Variants in SART3 observed in about 807,000 individuals in gnomAD.
SART3 encodes spliceosome associated factor 3, U4/U6 recycling protein, also known as HIV-1 Tat-interacting protein of 110kDa.
SART3 carries 44 observed loss-of-function variants against 122.3 expected under a neutral mutation model. The observed-to-expected ratio is 0.36, with a 90% confidence interval of 0.28 to 0.46. The LOEUF is 0.46. Among genes scored for constraint, SART3 ranks in the 20% least tolerant of loss-of-function variants. The pLI is 1.00. For missense variants in SART3, 1,101 were observed against 1,229.0 expected (o/e 0.90, Z 1.56); for synonymous variants, 442 against 454.0 (o/e 0.97, Z 0.34).
chr12:108,541,917 C>T (rs1873182734), intron 6 of SART3, among the ~76,000 whole-genome samples: 1 of 151,710 alleles, frequency 6.6e-6, no homozygotes, highest in African/African-American at 2.4e-5. Context: ...TCACTGCAGC[C>T]TTGACCTCCT....
At chr12:108,528,633 A>C (rs758041262) in intron 15 of SART3, among the ~76,000 whole-genome samples, 10 of 152,158 alleles carry the variant, frequency 6.6e-5, no homozygotes, top group Non-Finnish European at 1.2e-4. Context: ...CTAGATCTGG[A>C]AGCCTGAGTG....
intron 1 of SART3, among the ~76,000 whole-genome samples, chr12:108,555,575 G>A (rs2030185898): frequency 6.6e-6 from 1 of 152,212 alleles, no homozygotes; most frequent in Non-Finnish European, 1.5e-5. Context: ...TGAGGTGAAA[G>A]GATCGCTTCA....
At chr12:108,540,520 G>A (rs117892256) in intron 6 of SART3, among the ~76,000 whole-genome samples, 653 of 151,762 alleles carry the variant, frequency 4.3e-3, no homozygotes, top group Non-Finnish European at 8.5e-3. Context: ...TTCATAGATT[G>A]GAAGATGTAA....
chr12:108,551,215 G>A (rs554811743), intron 1 of SART3, among the ~76,000 whole-genome samples: 2 of 152,282 alleles, frequency 1.3e-5, no homozygotes, highest in African/African-American at 4.8e-5. Context: ...GTACACTTCA[G>A]AGCAAAGAAA....
At chr12:108,547,004 G>A (rs1011289236) in intron 3 of SART3, among the ~76,000 whole-genome samples, 12 of 152,170 alleles carry the variant, frequency 7.9e-5, no homozygotes, top group African/African-American at 2.7e-4. Flanking sequence ...ATTTTTAGCA[G>A]AGACGGGGTT....
At chr12:108,555,985 C>A (rs2030206045) in intron 1 of SART3, among the ~76,000 whole-genome samples, 1 of 152,182 alleles carries the variant, frequency 6.6e-6, no homozygotes, top group South Asian at 2.1e-4. Flanking sequence ...CCAAAACAGA[C>A]CCATGCAGTT....
Position 108,536,736 on chromosome 12 carries a change from C to T in SART3, c.1359G>A (p.Leu453=). The T allele has an allele frequency of 1.2e-6, 2 of 1,613,928 alleles. No individual in the cohort carries two copies. The highest frequency in any genetic ancestry group is 2.7e-5 in the African/African-American group (2 of 75,018). Residue 453 remains leucine, a synonymous_variant, in exon 10 of 19, where the codon TTG becomes TTA. Transcript: ENST00000546815. ...EELRAAFTRA[L]EYLKQEVEER... ...CTTCCACCTCCTGCTTCAGATACTCCAAGGCACGAGTAAAGGCGGCCCTCA... is the reference window on the plus strand; with the variant it reads ...CTTCCACCTCCTGCTTCAGATACTCTAAGGCACGAGTAAAGGCGGCCCTCA...
chr12:108,533,942 C>T (rs1872789614), intron 12 of SART3, among the ~76,000 whole-genome samples: 1 of 152,206 alleles, frequency 6.6e-6, no homozygotes, highest in Non-Finnish European at 1.5e-5. Flanking sequence ...CCACAATTAT[C>T]TGAAAATGCT....
In SART3 at chr12:108,523,484, A is replaced by C. The variant is rs537966592; in HGVS notation, c.2865T>G (p.Asp955Glu). The change falls in exon 19 of 19, where the codon GAT (aspartate) becomes GAG (glutamate). Residue 955 changes from aspartate to glutamate, a missense_variant. Around this residue, in one of 2 missense-constraint regions of SART3, gnomAD observed 885 missense variants for 1,080.1 expected, o/e 0.82. Coordinates refer to ENST00000546815, the MANE Select transcript of SART3 (RefSeq NM_014706.4). ...ACTTTCTCAGAAACAGCTTGGCAAA[A>C]TCGGCATTGGACATCTTGGGTGCCT... ...ATEAPKMSNA[D>E]FAKLFLRK 1.4e-4 allele frequency: 220 copies of C among 1,612,420 alleles called. No individual in the cohort carries two copies. Among genetic ancestry groups the C allele is most frequent in the Non-Finnish European group, 1.7e-4 (199 of 1,179,968 alleles).
At chr12:108,537,958 A>G (rs1157508218) in intron 8 of SART3, 107 bp downstream of exon 8, 1 of 1,458,234 alleles carries the variant, frequency 6.9e-7, no homozygotes, top group African/African-American at 1.4e-5. Flanking sequence ...TACACTCCAT[A>G]ACCCAAAGAA....
chr12:108,543,727 G>C (rs1873272423), intron 5 of SART3, among the ~76,000 whole-genome samples: 1 of 152,142 alleles, frequency 6.6e-6, no homozygotes, highest in South Asian at 2.1e-4. Flanking sequence ...AAACCATGAA[G>C]AGAAATAACA....
Position 108,523,394 on chromosome 12 carries a change from G to A in SART3, c.*63C>T, listed in dbSNP as rs983440068. The A allele has an allele frequency of 1.9e-6, 3 of 1,551,792 alleles. No homozygotes were observed. The highest frequency in any genetic ancestry group is 1.4e-5 in the African/African-American group (1 of 73,556). On this transcript the variant is annotated 3_prime_UTR_variant, in exon 19 of 19. Coordinates refer to ENST00000546815, the MANE Select transcript of SART3 (RefSeq NM_014706.4). ...GCCTGTCCATCCCCAGTGCACTGCT[G>A]GGTGGTGGGAGGTCCGCCGGGCCAG... is the stretch of plus-strand genomic sequence containing the variant.
intron 1 of SART3, among the ~76,000 whole-genome samples, chr12:108,559,380 T>A (rs997572235): frequency 1.1e-4 from 16 of 152,164 alleles, no homozygotes; most frequent in Non-Finnish European, 2.1e-4. Flanking sequence ...AAAAAGAGAA[T>A]GCGGGCCGGG....
chr12:108,537,856 T>G (rs1225989570), intron 8 of SART3, among the ~76,000 whole-genome samples: 2 of 152,192 alleles, frequency 1.3e-5, no homozygotes, highest in Non-Finnish European at 2.9e-5. Flanking sequence ...CTACAACTTC[T>G]TAGAAAATAC....
At chr12:108,543,538 G>C (rs542175490) in intron 5 of SART3, among the ~76,000 whole-genome samples, 1 of 152,326 alleles carries the variant, frequency 6.6e-6, no homozygotes, top group Middle Eastern at 3.4e-3. Context: ...CTCGTCTACA[G>C]TTAATGGTAG....
At chr12:108,558,958 G>T (rs1009391649) in intron 1 of SART3, among the ~76,000 whole-genome samples, 2 of 150,610 alleles carry the variant, frequency 1.3e-5, no homozygotes, top group African/African-American at 4.9e-5. Context: ...GCATGAACCC[G>T]GGAGGCGGAG....
rs951609669 is a variant in SART3, at chr12:108,535,022, GT to G, written c.1556+336del. Among the ~76,000 whole-genome samples, 13 of 152,076 alleles carry G rather than the reference GT, an allele frequency of 8.5e-5. No homozygotes were observed. The East Asian group carries it at 1.4e-3, about 16-fold the overall frequency. ...GGTTATGACTGGGTCAGTAATTTGA[GT>G]TTTTTTTCTCTTAGCTTTTTAGTAT... is the stretch of plus-strand genomic sequence containing the variant. On this transcript the variant is annotated intron_variant, in intron 12 of 18. Coordinates refer to ENST00000546815, the MANE Select transcript of SART3 (RefSeq NM_014706.4).
chr12:108,530,585 G>C (rs569536998), intron 14 of SART3, among the ~76,000 whole-genome samples: 1 of 152,094 alleles, frequency 6.6e-6, no homozygotes, highest in Non-Finnish European at 1.5e-5. Flanking sequence ...GGCCGGGCGC[G>C]GTGGCTCACG....
At chr12:108,534,934 G>A (rs1593237927) in intron 12 of SART3, among the ~76,000 whole-genome samples, 1 of 152,170 alleles carries the variant, frequency 6.6e-6, no homozygotes, top group East Asian at 1.9e-4. Context: ...ACACATGCAT[G>A]CTATAATTGC....
Sources: gnomAD v4.1 joint callset for allele counts (sites outside exome capture counted in the v4.1 genomes callset) on GRCh38, gnomAD v4.1.1 for gene constraint, gnomAD v4.1.1 regional missense constraint, MANE v1.5 for transcripts, NCBI Gene and HGNC (gene_info 2026-07-23, HGNC 2026-07-21) for gene names.